The following DSCAM variants were observed in gnomAD, a reference collection of about 807,000 sequenced individuals.
The protein encoded by DSCAM is cell adhesion molecule DSCAM.
A neutral mutation model predicts 217.7 loss-of-function variants in DSCAM; 47 were observed. The observed-to-expected ratio is 0.22, with a 90% CI of 0.17 to 0.28. The LOEUF is 0.28. DSCAM is among the 10% of genes least tolerant of loss of function. The pLI is 1.00. For synonymous variants in DSCAM, 1,056 were observed against 1,015.3 expected (o/e 1.04, Z -0.76); for missense variants, 2,080 against 2,618.3 (o/e 0.79, Z 4.49).
At chr21:40,070,766 G>T (rs2837421) in intron 27 of DSCAM, among the ~76,000 whole-genome samples, 18,673 of 152,194 alleles carry the variant, frequency 0.12, 1,513 homozygotes, top group East Asian at 0.35. Context: ...TAAATGTCCT[G>T]TTAGTACTCA....
At chr21:40,349,906 A>T (rs1468037403) in intron 5 of DSCAM, among the ~76,000 whole-genome samples, 1 of 151,974 alleles carries the variant, frequency 6.6e-6, no homozygotes, top group Non-Finnish European at 1.5e-5. Context: ...AGAAACAAAG[A>T]TCTGAATGAC....
intron 3 of DSCAM, among the ~76,000 whole-genome samples, chr21:40,470,438 T>C (rs901937077): frequency 6.6e-6 from 1 of 152,262 alleles, no homozygotes; most frequent in Admixed American, 6.5e-5. Context: ...GGTTTGCTTC[T>C]GCGAGGCTGT....
intron 1 of DSCAM, among the ~76,000 whole-genome samples, chr21:40,826,063 G>A (rs936797437): frequency 1.3e-5 from 2 of 152,210 alleles, no homozygotes; most frequent in African/African-American, 4.8e-5. Context: ...CCAGTTGGGA[G>A]AGACAGATGA....
intron 32 of DSCAM, among the ~76,000 whole-genome samples, chr21:40,020,793 T>G (rs769016385): frequency 3.3e-5 from 5 of 152,154 alleles, no homozygotes; most frequent in Admixed American, 3.3e-4. Context: ...CCAGCATGAA[T>G]ACAAAGGCTC....
At chr21:40,059,144 G>A (rs1432527741) in intron 28 of DSCAM, among the ~76,000 whole-genome samples, 2 of 152,178 alleles carry the variant, frequency 1.3e-5, no homozygotes, top group Admixed American at 1.3e-4. Flanking sequence ...ACTATTAGGA[G>A]CATAGCTCAT....
chr21:40,317,105 C>T (rs1255832889), intron 8 of DSCAM, among the ~76,000 whole-genome samples: 2 of 152,238 alleles, frequency 1.3e-5, no homozygotes, highest in African/African-American at 2.4e-5. Context: ...CTCTTCTGCG[C>T]AGCCACAGGG....
chr21:40,224,971 G>T (rs2091318968), intron 11 of DSCAM, among the ~76,000 whole-genome samples: 1 of 152,162 alleles, frequency 6.6e-6, no homozygotes, highest in Admixed American at 6.5e-5. Flanking sequence ...AATGTAAGTT[G>T]GTTTGAATTA....
At chr21:40,174,829 A>G (rs900437129) in intron 15 of DSCAM, among the ~76,000 whole-genome samples, 1 of 152,238 alleles carries the variant, frequency 6.6e-6, no homozygotes. Flanking sequence ...TCACATCCAC[A>G]GGCCTGGTCT....
At chr21:40,765,432 G>T (rs1476191412) in intron 1 of DSCAM, among the ~76,000 whole-genome samples, 2 of 152,140 alleles carry the variant, frequency 1.3e-5, no homozygotes, top group African/African-American at 4.8e-5. Flanking sequence ...TCTAACGTGG[G>T]TGATTTGCAC....
intron 6 of DSCAM, among the ~76,000 whole-genome samples, chr21:40,343,508 A>G (rs1318260475): frequency 2.0e-5 from 3 of 152,202 alleles, no homozygotes; most frequent in Non-Finnish European, 4.4e-5. Flanking sequence ...TGCAAGTTTC[A>G]TCAAATGATT....
chr21:40,117,823 G>A (rs1233990758), intron 20 of DSCAM, among the ~76,000 whole-genome samples: 1 of 152,156 alleles, frequency 6.6e-6, no homozygotes, highest in Non-Finnish European at 1.5e-5. Flanking sequence ...GGCACTCGGT[G>A]CCTAATGTGT....
At chr21:40,533,831 C>T (rs1049518190) in intron 3 of DSCAM, among the ~76,000 whole-genome samples, 2 of 151,930 alleles carry the variant, frequency 1.3e-5, no homozygotes, top group African/African-American at 4.8e-5. Context: ...GAAAATGAAG[C>T]TTCAAAACCT....
At position 40,712,953 on chromosome 21, in the gene DSCAM, C is replaced by T. The variant is rs1285857580; in HGVS notation, c.44-4182G>A. On this transcript the variant is annotated intron_variant, in intron 1 of 32. Transcript: ENST00000400454. ...CTACATACTGATGTGAATTCTGCTC[C>T]CCTGTGAGGGACACACAATGTAGAT... 4.6e-5 allele frequency among the ~76,000 whole-genome samples: 7 copies of T among 152,178 alleles called. No individual in the cohort carries two copies. The East Asian group carries it at 1.2e-3, about 25-fold the overall frequency.
intron 3 of DSCAM, among the ~76,000 whole-genome samples, chr21:40,567,843 T>C (rs900021110): frequency 1.3e-5 from 2 of 152,238 alleles, no homozygotes; most frequent in African/African-American, 4.8e-5. Flanking sequence ...GAAACACTAG[T>C]TTCAAAAACA....
chr21:40,470,282 C>T (rs114797065), intron 3 of DSCAM, among the ~76,000 whole-genome samples: 161 of 152,322 alleles, frequency 1.1e-3, no homozygotes, highest in African/African-American at 3.1e-3. Context: ...ATTAATGTTA[C>T]GTGTCTGCCT....
At chr21:40,498,781 G>GTATATA (rs1166919235) in intron 3 of DSCAM, among the ~76,000 whole-genome samples, 4 of 26,028 alleles carry the variant, frequency 1.5e-4, no homozygotes, top group South Asian at 1.8e-3. Context: ...ATATGGGTGT[G>GTATATA]TATATATATA....
At chr21:40,186,429 A>T (rs892877893) in intron 14 of DSCAM, among the ~76,000 whole-genome samples, 7 of 152,086 alleles carry the variant, frequency 4.6e-5, no homozygotes, top group African/African-American at 1.7e-4. Flanking sequence ...ACACAGTAAA[A>T]ATTCTGACTA....
At chr21:40,450,597 T>C (rs1053521029) in intron 3 of DSCAM, among the ~76,000 whole-genome samples, 1 of 152,216 alleles carries the variant, frequency 6.6e-6, no homozygotes, top group African/African-American at 2.4e-5. Context: ...GCCTACAACA[T>C]AGGTTTTAAT....
At chr21:40,381,278 G>A (rs2066729962) in intron 3 of DSCAM, among the ~76,000 whole-genome samples, 2 of 152,056 alleles carry the variant, frequency 1.3e-5, no homozygotes, top group South Asian at 4.1e-4. Context: ...GGAATTGAAA[G>A]TAGCCCTTTA....
Sources: allele counts gnomAD v4.1 joint callset (sites outside exome capture counted in the v4.1 genomes callset), GRCh38; gene constraint gnomAD v4.1.1; transcripts MANE v1.5; gene names NCBI Gene and HGNC (gene_info 2026-07-23, HGNC 2026-07-21).